Variants in VCF1 observed in about 807,000 individuals in gnomAD.
The protein encoded by VCF1 is protein VCF1.
the VCF1 span, among the ~76,000 whole-genome samples, chr17:73,213,081 T>G: frequency 6.6e-6 from 1 of 151,884 alleles, no homozygotes; most frequent in Non-Finnish European, 1.5e-5. Flanking sequence ...CCGTCTCTAC[T>G]AAAAATACAA....
chr17:73,212,131 A>G, the VCF1 span, among the ~76,000 whole-genome samples: 1 of 152,236 alleles, frequency 6.6e-6, no homozygotes, highest in Non-Finnish European at 1.5e-5. Context: ...ACTTTTTTGC[A>G]ATGTGGTTAT....
At chr17:73,230,875 A>G in the VCF1 span, among the ~76,000 whole-genome samples, 9 of 152,256 alleles carry the variant, frequency 5.9e-5, no homozygotes, top group Admixed American at 3.9e-4. Flanking sequence ...TTAGTTATGT[A>G]CAGTAGAATT....
At chr17:73,213,885 G>A in the VCF1 span, among the ~76,000 whole-genome samples, 2 of 152,222 alleles carry the variant, frequency 1.3e-5, no homozygotes, top group South Asian at 4.1e-4. Context: ...CAGCAGAATC[G>A]CTTGAACCTG....
At chr17:73,230,947 G>A in the VCF1 span, among the ~76,000 whole-genome samples, 3 of 152,096 alleles carry the variant, frequency 2.0e-5, no homozygotes, top group African/African-American at 7.2e-5. Context: ...AGAGAATATC[G>A]TAAGTATAAA....
chr17:73,208,570 GC>G, the VCF1 span: 1 of 1,250,242 alleles, frequency 8.0e-7, no homozygotes, highest in Non-Finnish European at 1.2e-6. Flanking sequence ...ATGGAATGTG[GC>G]CCCCTAGTTA....
chr17:73,207,898 CA>C, the VCF1 span: 1 of 1,179,952 alleles, frequency 8.5e-7, no homozygotes, highest in Non-Finnish European at 1.1e-6. Context: ...AAATCCTTGT[CA>C]AGTATCTGGC....
chr17:73,210,495 TAAA>T, the VCF1 span, among the ~76,000 whole-genome samples: 98 of 140,446 alleles, frequency 7.0e-4, no homozygotes, highest in African/African-American at 2.2e-3. Context: ...GTTCATGTTT[TAAA>T]AAAAAAAAAA....
the VCF1 span, chr17:73,229,103 A>G: frequency 1.0e-6 from 1 of 979,412 alleles, no homozygotes; most frequent in Non-Finnish European, 1.2e-6. Context: ...GTGGATTTCA[A>G]CTAATCTCTG....
chr17:73,222,015 G>A, the VCF1 span, among the ~76,000 whole-genome samples: 1 of 119,434 alleles, frequency 8.4e-6, no homozygotes, highest in East Asian at 2.7e-4. Context: ...CCAGCCTGGG[G>A]AAAGAGCGAG....
the VCF1 span, chr17:73,209,124 CTT>C: frequency 9.4e-6 from 2 of 212,536 alleles, no homozygotes; most frequent in Non-Finnish European, 1.9e-5. Flanking sequence ...ACTAGATACT[CTT>C]TACTAGTTTA....
the VCF1 span, chr17:73,227,750 G>A: frequency 3.1e-6 from 2 of 639,668 alleles, no homozygotes; most frequent in African/African-American, 3.9e-5. Flanking sequence ...TGCTTATTCT[G>A]GCAACACTAG....
chr17:73,213,032 T>G, the VCF1 span, among the ~76,000 whole-genome samples: 2 of 151,890 alleles, frequency 1.3e-5, no homozygotes, highest in Non-Finnish European at 2.9e-5. Flanking sequence ...GATCATGAGG[T>G]CAAGAGATCG....
chr17:73,224,940 C>CACAGG, the VCF1 span, among the ~76,000 whole-genome samples: 2 of 107,354 alleles, frequency 1.9e-5, no homozygotes, highest in Non-Finnish European at 4.1e-5. Flanking sequence ...GACAGCACAG[C>CACAGG]ACAGCACAGC....
chr17:73,212,630 A>G, the VCF1 span: 3 of 1,495,330 alleles, frequency 2.0e-6, no homozygotes, highest in Non-Finnish European at 2.7e-6. Context: ...CACCTTGCGA[A>G]TCATGAATAT....
At chr17:73,209,955 A>G in the VCF1 span, among the ~76,000 whole-genome samples, 1 of 152,134 alleles carries the variant, frequency 6.6e-6, no homozygotes, top group Admixed American at 6.6e-5. Context: ...CCTCACAGCC[A>G]CCCTGTCAGG....
chr17:73,209,582 G>C, the VCF1 span: 1 of 1,585,790 alleles, frequency 6.3e-7, no homozygotes, highest in Non-Finnish European at 8.6e-7. Context: ...GCCTCCCTCA[G>C]GGTCTGGTTG....
chr17:73,231,352 C>T, the VCF1 span, among the ~76,000 whole-genome samples: 8 of 152,216 alleles, frequency 5.3e-5, no homozygotes, highest in East Asian at 1.5e-3. Context: ...TTAAGAAATC[C>T]CAACTTAGTC....
At chr17:73,207,591 T>C in the VCF1 span, 1 of 875,196 alleles carries the variant, frequency 1.1e-6, no homozygotes, top group Non-Finnish European at 1.6e-6. Flanking sequence ...GAAAATCTGT[T>C]TTGTTCTGGT....
the VCF1 span, among the ~76,000 whole-genome samples, chr17:73,226,531 C>G: frequency 1.3e-5 from 2 of 152,162 alleles, no homozygotes; most frequent in African/African-American, 2.4e-5. Flanking sequence ...AACTTAATAG[C>G]AGCATTACTT....
Sources: gnomAD v4.1 joint callset for allele counts (sites outside exome capture counted in the v4.1 genomes callset) on GRCh38, gnomAD v4.1.1 for gene constraint, MANE v1.5 for transcripts, NCBI Gene and HGNC (gene_info 2026-07-23, HGNC 2026-07-21) for gene names.